The following VGLL4 variants were observed in gnomAD, a reference collection of about 807,000 sequenced individuals.
VGLL4 encodes the protein vestigial like family member 4.
Under a neutral mutation model 21.0 loss-of-function variants are expected in VGLL4, and 7 were observed. The observed-to-expected ratio is 0.33, with a 90% CI of 0.19 to 0.63. The LOEUF is 0.63. VGLL4 is among the 20% of genes least tolerant of loss of function. The pLI, the probability that VGLL4 is intolerant of heterozygous loss-of-function variation, is 0.78. For missense variants in VGLL4, 394 were observed against 425.7 expected, an observed-to-expected ratio of 0.93 and a Z score of 0.66; for synonymous variants, 222 against 173.2, an observed-to-expected ratio of 1.28 and a Z score of -2.21.
chr3:11,643,156 T>C (rs1050018462), intron 1 of VGLL4, among the ~76,000 whole-genome samples: 2 of 152,168 alleles, frequency 1.3e-5, no homozygotes, highest in Non-Finnish European at 2.9e-5. Flanking sequence ...AATACATACA[T>C]TTTAAAGAGT....
intron 2 of VGLL4, among the ~76,000 whole-genome samples, chr3:11,590,386 T>C (rs1372559686): frequency 6.6e-6 from 1 of 152,200 alleles, no homozygotes; most frequent in African/African-American, 2.4e-5. Flanking sequence ...CTGGAGCTTG[T>C]TTCTATGTAG....
At chr3:11,563,616 G>A (rs1398084547) in intron 3 of VGLL4, among the ~76,000 whole-genome samples, 2 of 152,198 alleles carry the variant, frequency 1.3e-5, no homozygotes, top group Non-Finnish European at 2.9e-5. Flanking sequence ...ACGTTGAAAT[G>A]AACAGCAGTG....
At chr3:11,582,442 G>GT in intron 2 of VGLL4, 2 of 1,432,520 alleles carry the variant, frequency 1.4e-6, no homozygotes, top group Non-Finnish European at 9.4e-7. Flanking sequence ...GGGTTGCGAG[G>GT]TAAGGGGCCT....
exon 2 of VGLL4, chr3:11,702,982 T>C: frequency 6.2e-7 from 1 of 1,612,234 alleles, no homozygotes; most frequent in Non-Finnish European, 8.5e-7. Context: ...TTTTTCGTCA[T>C]CAGCATGCAC....
chr3:11,619,636 G>T (rs1189108174), intron 1 of VGLL4, among the ~76,000 whole-genome samples: 2 of 152,088 alleles, frequency 1.3e-5, no homozygotes, highest in African/African-American at 4.8e-5. Context: ...GGTTAGAGCT[G>T]GTCTAGAGCC....
At chr3:11,630,578 G>A (rs1351514930) in intron 1 of VGLL4, among the ~76,000 whole-genome samples, 11 of 152,200 alleles carry the variant, frequency 7.2e-5, no homozygotes, top group East Asian at 1.9e-4. Context: ...CCCAGGAGGC[G>A]GAGGTTGCAG....
At chr3:11,579,749 G>A (rs1285619120) in intron 2 of VGLL4, among the ~76,000 whole-genome samples, 6 of 151,968 alleles carry the variant, frequency 3.9e-5, no homozygotes, top group South Asian at 2.1e-4. Flanking sequence ...TCCTTTGTAC[G>A]AGGGCTTCCA....
intron 2 of VGLL4, among the ~76,000 whole-genome samples, chr3:11,597,257 T>TA: frequency 6.6e-6 from 1 of 152,144 alleles, no homozygotes; most frequent in South Asian, 2.1e-4. Context: ...AAAAAAAACT[T>TA]ACTGATTTTT....
rs188306508 is a variant in VGLL4 at position 11,558,342 on chromosome 3, C to T, written c.*214G>A. 10 of 724,130 alleles carry T rather than the reference C, an allele frequency of 1.4e-5. No homozygotes were observed. Among genetic ancestry groups the T allele is most frequent in the Non-Finnish European group, 2.0e-5 (9 of 453,198 alleles). The allele number at this position is 724,130 out of a possible 1,614,324, so 44.9% of individuals were successfully genotyped here. ...TGCTACATTAGACAGATGTTCCACG[C>T]GTAGTTCCTGCTATCATGTTTGAGG... On this transcript the variant is annotated 3_prime_UTR_variant, in exon 5 of 5. Transcript: ENST00000430365.
In VGLL4 at chr3:11,564,979, C is replaced by T; in HGVS notation, c.313G>A (p.Glu105Lys). 1 of 1,530,702 alleles carries T rather than the reference C, an allele frequency of 6.5e-7. No individual in the cohort carries two copies. Among genetic ancestry groups the T allele is most frequent in the South Asian group, 1.3e-5 (1 of 79,600 alleles). 94.8% of individuals were successfully genotyped at this position (1,530,702 alleles called of 1,614,324 possible). A position where few individuals can be genotyped will look rare whatever the true frequency, so the allele number is the denominator to read the frequency against. Residue 105 changes from glutamate (E) to lysine (K), a missense_variant, in exon 3 of 5, where the codon GAG becomes AAG. Glu to Lys is a moderately conservative substitution (Grantham distance 56). Transcript: ENST00000430365. ...CGCTCGATGGGGCTGCGGCTCCGCT[C>T]CCGGGGGTCTCTGCGGCAGTCTCCA... ...ANGDCRRDPRERSRSPIERAV... is the reference protein window; with the variant it reads ...ANGDCRRDPRKRSRSPIERAV...
rs867905633 is a variant in VGLL4, at chr3:11,653,262, T to C, written c.64+49709A>G. On this transcript the variant is annotated intron_variant, in intron 2 of 5. Coordinates refer to the VGLL4 transcript ENST00000273038. The surrounding 1 kb of genome is among the most constrained non-coding windows in gnomAD (Gnocchi z 4.2). Reference sequence around the variant, plus strand: ...ATGGCTGTTATTTATATAGGGAGAATTTTAATGTATCCCACCTCCACCTAT... The same window carrying C: ...ATGGCTGTTATTTATATAGGGAGAACTTTAATGTATCCCACCTCCACCTAT... 3.3e-5 allele frequency among the ~76,000 whole-genome samples: 5 copies of C among 152,156 alleles called. No homozygotes were observed. The South Asian group carries it at 8.3e-4, about 25-fold the overall frequency.
chr3:11,639,373 G>A (rs1036851087), intron 1 of VGLL4, among the ~76,000 whole-genome samples: 4 of 152,222 alleles, frequency 2.6e-5, no homozygotes, highest in Admixed American at 1.3e-4. Context: ...ACCTTCCAGC[G>A]AGGCCGGTCA....
chr3:11,606,169 A>G (rs1188571685), intron 1 of VGLL4, among the ~76,000 whole-genome samples: 1 of 152,168 alleles, frequency 6.6e-6, no homozygotes, highest in Non-Finnish European at 1.5e-5. Context: ...CCCTTATAAA[A>G]CCATCAGATC....
intron 1 of VGLL4, chr3:11,604,527 C>T (rs1355487210): frequency 1.1e-6 from 1 of 946,712 alleles, no homozygotes; most frequent in African/African-American, 1.8e-5. Flanking sequence ...CTTAACCCAA[C>T]ACTTGTATGT....
At chr3:11,695,022 A>C (rs2076583982) in intron 2 of VGLL4, among the ~76,000 whole-genome samples, 1 of 150,768 alleles carries the variant, frequency 6.6e-6, no homozygotes, top group South Asian at 2.1e-4. Flanking sequence ...AGATAATCAT[A>C]TTGTACTTAC....
Position 11,675,115 on chromosome 3 carries a change from G to A in VGLL4, c.64+27856C>T, listed in dbSNP as rs372056169. Among the ~76,000 whole-genome samples the A allele has an allele frequency of 1.1e-4, 16 of 152,336 alleles. No homozygotes were observed. In the South Asian group the frequency reaches 2.9e-3, roughly 28 times the overall value. ...CCAACACTCTGGGAGGCCGAGGTGGGTGGATCACCTGAGGTCAGGAGTTCG... is the reference window on the plus strand; with the variant it reads ...CCAACACTCTGGGAGGCCGAGGTGGATGGATCACCTGAGGTCAGGAGTTCG... On this transcript the variant is annotated intron_variant, in intron 2 of 5. Transcript: ENST00000273038.
chr3:11,559,890 A>AATT (rs138640984), intron 3 of VGLL4, among the ~76,000 whole-genome samples: 2,095 of 152,290 alleles, frequency 0.014, 54 homozygotes, highest in African/African-American at 0.047. Context: ...AATACACGGC[A>AATT]ATTAACTGGA....
intron 1 of VGLL4, among the ~76,000 whole-genome samples, chr3:11,621,751 A>G (rs2075270511): frequency 6.6e-6 from 1 of 152,196 alleles, no homozygotes; most frequent in Admixed American, 6.5e-5. Flanking sequence ...ACTGTTTCCA[A>G]AACAGCTACA....
intron 2 of VGLL4, among the ~76,000 whole-genome samples, chr3:11,566,227 C>T (rs1180636413): frequency 6.6e-6 from 1 of 151,820 alleles, no homozygotes; most frequent in East Asian, 1.9e-4. Context: ...CACACACGCA[C>T]ACCACACACA....
Sources: gnomAD v4.1 joint callset for allele counts (sites outside exome capture counted in the v4.1 genomes callset) on GRCh38, gnomAD v4.1.1 for gene constraint, Gnocchi (gnomAD v3.1) non-coding constraint, MANE v1.5 for transcripts, NCBI Gene and HGNC (gene_info 2026-07-23, HGNC 2026-07-21) for gene names.